The following PVT1 variants were observed in gnomAD, a reference collection of about 807,000 sequenced individuals.
The protein encoded by PVT1 is CXCR4/PVT1 fusion.
chr8:128,044,652 C>T (rs1813590931), intron 4 of PVT1, among the ~76,000 whole-genome samples: 2 of 152,328 alleles, frequency 1.3e-5, no homozygotes, highest in African/African-American at 4.8e-5. Context: ...CTTATAACAA[C>T]CATCTTTGCC....
intron 3 of PVT1, among the ~76,000 whole-genome samples, chr8:127,916,992 T>C (rs751207173): frequency 6.6e-6 from 1 of 152,214 alleles, no homozygotes; most frequent in African/African-American, 2.4e-5. Flanking sequence ...ATGGATTATC[T>C]CACCTTGCAC....
At chr8:128,049,023 T>C (rs1403215577) in intron 4 of PVT1, 3 of 402,814 alleles carry the variant, frequency 7.4e-6, no homozygotes. Flanking sequence ...CAGCCATATG[T>C]TTAAGCTTGA....
At chr8:128,096,062 AG>A (rs1814425820) in intron 5 of PVT1, among the ~76,000 whole-genome samples, 1 of 152,228 alleles carries the variant, frequency 6.6e-6, no homozygotes, top group Non-Finnish European at 1.5e-5. Flanking sequence ...AGAGGACATG[AG>A]TCAAAATAAA....
chr8:127,985,419 G>T (rs1351825426), intron 3 of PVT1, among the ~76,000 whole-genome samples: 1 of 150,634 alleles, frequency 6.6e-6, no homozygotes, highest in African/African-American at 2.4e-5. Context: ...GAGCCACTGT[G>T]CCCGGCTGAG....
chr8:127,887,584 G>A (rs972339193), intron 2 of PVT1, among the ~76,000 whole-genome samples: 3 of 152,104 alleles, frequency 2.0e-5, no homozygotes, highest in Non-Finnish European at 2.9e-5. Context: ...GGGGTGCAGT[G>A]GTGTAATCTT....
At chr8:128,083,195 A>C (rs1814210911) in intron 5 of PVT1, among the ~76,000 whole-genome samples, 1 of 152,252 alleles carries the variant, frequency 6.6e-6, no homozygotes. Context: ...TGAATAAAGG[A>C]TAATAGTGAT....
At chr8:127,968,928 G>C (rs1038492210) in intron 3 of PVT1, among the ~76,000 whole-genome samples, 2 of 152,128 alleles carry the variant, frequency 1.3e-5, no homozygotes, top group Non-Finnish European at 2.9e-5. Context: ...AGGCAAGGAA[G>C]GGTTTCCCCT....
At chr8:128,030,479 A>G (rs1330711671) in intron 4 of PVT1, among the ~76,000 whole-genome samples, 1 of 152,208 alleles carries the variant, frequency 6.6e-6, no homozygotes, top group Admixed American at 6.5e-5. Flanking sequence ...GGTATGTTAT[A>G]ATACAAACAT....
intron 5 of PVT1, among the ~76,000 whole-genome samples, chr8:128,073,748 A>G (rs904946259): frequency 1.3e-5 from 2 of 151,740 alleles, no homozygotes; most frequent in African/African-American, 4.8e-5. Context: ...TTGTGCACAC[A>G]TTTGACCTTC....
chr8:128,016,114 T>C (rs936094693), intron 4 of PVT1, among the ~76,000 whole-genome samples: 5 of 151,928 alleles, frequency 3.3e-5, no homozygotes, highest in African/African-American at 7.3e-5. Context: ...CCTGTCTCTA[T>C]AAAAAATACA....
intron 2 of PVT1, among the ~76,000 whole-genome samples, chr8:127,864,257 G>A (rs1815260132): frequency 6.6e-6 from 1 of 152,152 alleles, no homozygotes. Context: ...CAGGGATGAA[G>A]GACACCTGGG....
chr8:127,820,702 G>GT (rs900705045), intron 2 of PVT1, among the ~76,000 whole-genome samples: 333 of 144,290 alleles, frequency 2.3e-3, no homozygotes, highest in Middle Eastern at 7.2e-3. Flanking sequence ...CTTAGGTTTT[G>GT]TTTTTTTTTT....
chr8:128,004,992 T>A (rs1210154989), intron 4 of PVT1, among the ~76,000 whole-genome samples: 1 of 151,910 alleles, frequency 6.6e-6, no homozygotes, highest in Non-Finnish European at 1.5e-5. Context: ...AATACAAAAT[T>A]AGCCAGGCAT....
chr8:128,011,898 C>T (rs1817318335), intron 4 of PVT1, among the ~76,000 whole-genome samples: 1 of 152,094 alleles, frequency 6.6e-6, no homozygotes, highest in Admixed American at 6.5e-5. Context: ...TGGTTGGGAT[C>T]TCATCACTGG....
chr8:127,963,149 A>C (rs1317762040), intron 3 of PVT1, among the ~76,000 whole-genome samples: 5 of 152,122 alleles, frequency 3.3e-5, no homozygotes, highest in Non-Finnish European at 5.9e-5. Flanking sequence ...GGATCTTTTC[A>C]GTTCTGAGAT....
intron 4 of PVT1, among the ~76,000 whole-genome samples, chr8:128,038,556 C>A (rs56101529): frequency 0.066 from 10,110 of 152,206 alleles, 469 homozygotes; most frequent in East Asian, 0.18. Context: ...TAACAAGCCT[C>A]TGTAAATAAT....
chr8:128,075,652 GC>G (rs1247053846), intron 5 of PVT1, among the ~76,000 whole-genome samples: 2 of 152,126 alleles, frequency 1.3e-5, no homozygotes, highest in Non-Finnish European at 2.9e-5. Context: ...GTATACGCAT[GC>G]ACATATACAC....
Position 127,827,186 on chromosome 8 carries a change from G to A in PVT1, n.372+31115G>A, listed in dbSNP as rs112839063. Among the ~76,000 whole-genome samples, 634 of 151,938 alleles carry A rather than the reference G, an allele frequency of 4.2e-3. 4 individuals carry two copies. Among genetic ancestry groups the A allele is most frequent in the African/African-American group, 0.014 (584 of 41,454 alleles). ...AATTTTGTGTTTTTAGTAGGGACGG[G>A]GTTTCTCCATGTTGGTCAGGCTGGT... On this transcript the variant is annotated intron_variant and non_coding_transcript_variant, in intron 2 of 10. Transcript: ENST00000651587.
chr8:127,964,335 C>T (rs754263271), intron 3 of PVT1, among the ~76,000 whole-genome samples: 1 of 152,228 alleles, frequency 6.6e-6, no homozygotes, highest in Non-Finnish European at 1.5e-5. Context: ...CTTGTGGTGG[C>T]CCATTCTCAG....
Sources: allele counts gnomAD v4.1 joint callset (sites outside exome capture counted in the v4.1 genomes callset), GRCh38; gene constraint gnomAD v4.1.1; transcripts MANE v1.5; gene names NCBI Gene and HGNC (gene_info 2026-07-23, HGNC 2026-07-21).